The following OPRM1 variants were observed in gnomAD, a reference collection of about 807,000 sequenced individuals.
OPRM1 encodes opioid receptor mu 1.
A neutral mutation model predicts 31.8 loss-of-function variants in OPRM1; 27 were observed. That is an observed-to-expected ratio of 0.85 (90% CI 0.63 to 1.17). OPRM1 has a LOEUF of 1.17. Ranked by LOEUF, OPRM1 falls within the 50% of genes most tolerant of loss-of-function variation. The pLI is 0.00. For missense variants in OPRM1, 536 were observed against 511.1 expected (o/e 1.05, Z -0.47); for synonymous variants, 196 against 189.9 (o/e 1.03, Z -0.26).
chr6:154,075,070 G>T (rs1053675613), intron 1 of OPRM1, among the ~76,000 whole-genome samples: 1 of 152,176 alleles, frequency 6.6e-6, no homozygotes, highest in East Asian at 1.9e-4. Flanking sequence ...ATACAAAAGA[G>T]ATAAGATTGC....
intron 1 of OPRM1, among the ~76,000 whole-genome samples, chr6:154,068,997 T>C (rs778231346): frequency 1.3e-5 from 2 of 152,254 alleles, no homozygotes; most frequent in Admixed American, 6.5e-5. Context: ...TGACCATGTG[T>C]ATGCCTTTTG....
intron 1 of OPRM1, among the ~76,000 whole-genome samples, chr6:154,061,472 T>C (rs182155976): frequency 6.6e-6 from 1 of 152,124 alleles, no homozygotes; most frequent in Non-Finnish European, 1.5e-5. Context: ...GGTGTTATTA[T>C]GGAATACTAT....
chr6:154,045,344 T>C (rs941168938), intron 1 of OPRM1, among the ~76,000 whole-genome samples: 3 of 152,230 alleles, frequency 2.0e-5, no homozygotes, highest in African/African-American at 4.8e-5. Context: ...TTAATGTTTA[T>C]CTGACTGAAA....
At chr6:154,188,874 C>T (rs998610632) in intron 3 of OPRM1, among the ~76,000 whole-genome samples, 4 of 151,874 alleles carry the variant, frequency 2.6e-5, no homozygotes, top group East Asian at 1.9e-4. Context: ...AGTGGACTAA[C>T]GTTTATAAAA....
intron 3 of OPRM1, among the ~76,000 whole-genome samples, chr6:154,142,293 C>CTGG (rs1554283791): frequency 6.6e-6 from 1 of 152,188 alleles, no homozygotes. Flanking sequence ...GCAGTCTCTC[C>CTGG]ATAGATAATA....
intron 3 of OPRM1, among the ~76,000 whole-genome samples, chr6:154,152,482 A>G (rs1798565093): frequency 6.6e-6 from 1 of 152,114 alleles, no homozygotes; most frequent in Non-Finnish European, 1.5e-5. Context: ...TCCACTCAGA[A>G]AAGCCCCCTC....
chr6:154,079,841 C>T (rs962039510), intron 1 of OPRM1, among the ~76,000 whole-genome samples: 3 of 152,214 alleles, frequency 2.0e-5, no homozygotes, highest in East Asian at 1.9e-4. Context: ...TCCCAAAGAG[C>T]TTAGGATTAC....
At chr6:154,173,187 G>A (rs12216156) in intron 3 of OPRM1, among the ~76,000 whole-genome samples, 23,100 of 152,114 alleles carry the variant, frequency 0.15, 2,041 homozygotes, top group East Asian at 0.41. Context: ...AAGACCAAAG[G>A]TAGATAAAAC....
chr6:154,203,222 C>T (rs1777214661), intron 3 of OPRM1, among the ~76,000 whole-genome samples: 1 of 152,132 alleles, frequency 6.6e-6, no homozygotes, highest in African/African-American at 2.4e-5. Context: ...TCCTCTCCGC[C>T]CCACCTCTAC....
intron 3 of OPRM1, among the ~76,000 whole-genome samples, chr6:154,166,985 G>A (rs753177544): frequency 2.0e-5 from 3 of 151,870 alleles, no homozygotes; most frequent in African/African-American, 7.3e-5. Flanking sequence ...CCTCATTTTT[G>A]TAGCCTTTTA....
rs1466630744 is a variant in OPRM1 at position 154,130,591 on chromosome 6, C to A, written c.*11870C>A. Among the ~76,000 whole-genome samples the A allele has an allele frequency of 6.6e-6, 1 of 151,928 alleles. No homozygotes were observed. The highest frequency in any genetic ancestry group is 1.5e-5 in the Non-Finnish European group (1 of 68,008). ...GCTATATGAATATTTGCCTATAAAT[C>A]CCCATCAATTTAATAGGAATTAAGT... On this transcript the variant is annotated 3_prime_UTR_variant, in exon 4 of 4. Transcript: ENST00000330432.
chr6:154,087,272 AT>A (rs1790811754), intron 1 of OPRM1: 5 of 985,334 alleles, frequency 5.1e-6, no homozygotes, highest in Non-Finnish European at 6.0e-6. Context: ...GATTTATGAA[AT>A]CACTTTCCTG....
rs1797908599 is a variant in OPRM1, at chr6:154,131,786, T to C, written c.*13065T>C. ...TGTTTTTAAGCTCTTTCCCCACATC[T>C]GCTTTTCAAAAATATTTGCCTGGAA... On this transcript the variant is annotated 3_prime_UTR_variant, in exon 4 of 4. Coordinates refer to ENST00000330432, the MANE Select transcript of OPRM1 (RefSeq NM_000914.5). Among the ~76,000 whole-genome samples the C allele has an allele frequency of 6.6e-6, 1 of 152,176 alleles. No individual in the cohort carries two copies. The highest frequency in any genetic ancestry group is 2.1e-4 in the South Asian group (1 of 4,830).
chr6:154,086,265 A>G (rs182628146), intron 1 of OPRM1, among the ~76,000 whole-genome samples: 488 of 152,302 alleles, frequency 3.2e-3, no homozygotes, highest in Middle Eastern at 6.8e-3. Flanking sequence ...AAGATCGTTG[A>G]GCCCCCTTTT....
At chr6:154,192,676 G>GT (rs1313438101) in intron 3 of OPRM1, among the ~76,000 whole-genome samples, 21 of 151,280 alleles carry the variant, frequency 1.4e-4, no homozygotes, top group Non-Finnish European at 2.9e-4. Context: ...AAAAAAAAAT[G>GT]ACTTAATCCT....
intron 3 of OPRM1, among the ~76,000 whole-genome samples, chr6:154,160,432 G>A (rs1296796371): frequency 2.0e-5 from 3 of 152,036 alleles, no homozygotes; most frequent in African/African-American, 4.8e-5. Context: ...AAATTGGAAC[G>A]TAACACTTTA....
At chr6:154,153,032 C>T (rs1352329346) in intron 3 of OPRM1, among the ~76,000 whole-genome samples, 1 of 152,172 alleles carries the variant, frequency 6.6e-6, no homozygotes, top group Non-Finnish European at 1.5e-5. Context: ...AGCCACAGCT[C>T]CCAGCACTTG....
At chr6:154,028,823 T>A (rs1165838925) in intron 1 of OPRM1, among the ~76,000 whole-genome samples, 1 of 152,210 alleles carries the variant, frequency 6.6e-6, no homozygotes, top group Non-Finnish European at 1.5e-5. Flanking sequence ...GCCCACCCAC[T>A]GCTGGGGAAT....
chr6:154,111,255 A>G (rs1274602454), intron 3 of OPRM1, among the ~76,000 whole-genome samples: 3 of 152,180 alleles, frequency 2.0e-5, no homozygotes, highest in Non-Finnish European at 4.4e-5. Flanking sequence ...ATCTTTGCCT[A>G]TGAGTCATCA....
Sources: allele counts gnomAD v4.1 joint callset (sites outside exome capture counted in the v4.1 genomes callset), GRCh38; gene constraint gnomAD v4.1.1; transcripts MANE v1.5; gene names NCBI Gene and HGNC (gene_info 2026-07-23, HGNC 2026-07-21).